The following ZBTB20 variants were observed in gnomAD, a reference collection of about 807,000 sequenced individuals.
ZBTB20 encodes zinc finger and BTB domain-containing protein 20.
A neutral mutation model predicts 56.9 loss-of-function variants in ZBTB20; 9 were observed. That is an observed-to-expected ratio of 0.16 (90% confidence interval 0.10 to 0.28). The LOEUF is 0.28. ZBTB20 is among the 10% of genes least tolerant of loss of function. The pLI is 1.00. For missense variants in ZBTB20, 655 were observed against 1,003.0 expected, an observed-to-expected ratio of 0.65 and a Z score of 4.69; for synonymous variants, 417 against 420.7, an observed-to-expected ratio of 0.99 and a Z score of 0.11.
intron 5 of ZBTB20, among the ~76,000 whole-genome samples, chr3:114,744,816 T>C (rs1295313655): frequency 2.0e-5 from 3 of 152,124 alleles, no homozygotes; most frequent in South Asian, 4.1e-4. Flanking sequence ...ATTCTTGCTG[T>C]CTTCTCACTT....
At chr3:114,440,802 T>C (rs2090866971) in intron 7 of ZBTB20, among the ~76,000 whole-genome samples, 1 of 152,186 alleles carries the variant, frequency 6.6e-6, no homozygotes, top group African/African-American at 2.4e-5. Flanking sequence ...AGGCAGAACC[T>C]GCTCATCAAC....
At chr3:115,116,130 CACTAATCTGTG>C (rs1404156981) in intron 1 of ZBTB20, among the ~76,000 whole-genome samples, 1 of 151,830 alleles carries the variant, frequency 6.6e-6, no homozygotes, top group Non-Finnish European at 1.5e-5. Flanking sequence ...ACTAATCTGT[CACTAATCTGTG>C]ACTCCACATA....
intron 1 of ZBTB20, among the ~76,000 whole-genome samples, chr3:115,118,679 G>T (rs1218029960): frequency 6.8e-6 from 1 of 148,008 alleles, no homozygotes; most frequent in African/African-American, 2.5e-5. Context: ...GTGGTTCTAG[G>T]ACCTAAAACT....
At chr3:114,362,717 A>T (rs1442346200) in intron 10 of ZBTB20, among the ~76,000 whole-genome samples, 1 of 152,142 alleles carries the variant, frequency 6.6e-6, no homozygotes. Context: ...GAGACAGCTC[A>T]CTGGGTCCCC....
intron 3 of ZBTB20, among the ~76,000 whole-genome samples, chr3:114,925,136 A>T (rs182803512): frequency 7.2e-4 from 109 of 151,766 alleles, no homozygotes; most frequent in African/African-American, 2.5e-3. Context: ...GGCACATGCC[A>T]CCACACCCAG....
At chr3:114,661,852 T>C (rs975193347) in intron 6 of ZBTB20, among the ~76,000 whole-genome samples, 1 of 152,084 alleles carries the variant, frequency 6.6e-6, no homozygotes, top group African/African-American at 2.4e-5. Flanking sequence ...ATTCAGCCCT[T>C]GCATGTGCCA....
chr3:115,073,883 TG>T (rs1403163767), intron 1 of ZBTB20, among the ~76,000 whole-genome samples: 1 of 152,090 alleles, frequency 6.6e-6, no homozygotes, highest in African/African-American at 2.4e-5. Flanking sequence ...TATGAAACTT[TG>T]CTCCCAAAAT....
At chr3:114,806,246 C>T (rs1405292260) in intron 4 of ZBTB20, among the ~76,000 whole-genome samples, 1 of 151,836 alleles carries the variant, frequency 6.6e-6, no homozygotes, top group Non-Finnish European at 1.5e-5. Flanking sequence ...CTTTATCTTC[C>T]AACACTTGTT....
chr3:114,544,441 CTTT>C (rs2049540382), intron 6 of ZBTB20, among the ~76,000 whole-genome samples: 1 of 106,218 alleles, frequency 9.4e-6, no homozygotes, highest in Non-Finnish European at 2.0e-5. Context: ...TTCTTTCTTT[CTTT>C]CTTTCTTTCT....
At chr3:114,835,963 C>T (rs1407605107) in intron 4 of ZBTB20, among the ~76,000 whole-genome samples, 1 of 152,168 alleles carries the variant, frequency 6.6e-6, no homozygotes, top group African/African-American at 2.4e-5. Flanking sequence ...ACTACTTATT[C>T]TCACTGCAGA....
In ZBTB20 at chr3:114,695,323, A is replaced by T. The variant is rs191434046; in HGVS notation, c.-342-1748T>A. On this transcript the variant is annotated intron_variant, in intron 5 of 11. Coordinates refer to ENST00000675478, the MANE Select transcript of ZBTB20 (RefSeq NM_001348800.3). ...AGCCTGGATCCCATATTAAAAAAAT[A>T]AAAAAAAACAGAAAAATGAGAAACA... is the stretch of plus-strand genomic sequence containing the variant. Among the ~76,000 whole-genome samples the T allele has an allele frequency of 8.2e-3, 1,172 of 142,362 alleles. 11 individuals are homozygous for T. The highest frequency in any genetic ancestry group is 0.032 in the African/African-American group (1,045 of 33,084). 93.4% of individuals were successfully genotyped at this position (142,362 alleles called of 152,430 possible).
intron 5 of ZBTB20, among the ~76,000 whole-genome samples, chr3:114,707,492 C>T (rs1441416194): frequency 6.6e-6 from 1 of 152,092 alleles, no homozygotes; most frequent in Non-Finnish European, 1.5e-5. Flanking sequence ...CACAAGAGTC[C>T]CAGTTTCAAA....
chr3:115,088,044 G>A (rs2108563641), intron 1 of ZBTB20, among the ~76,000 whole-genome samples: 1 of 151,982 alleles, frequency 6.6e-6, no homozygotes, highest in South Asian at 2.1e-4. Flanking sequence ...ATGGAGAACT[G>A]TTTTAAGATA....
chr3:114,545,503 CA>C (rs765322098), intron 6 of ZBTB20, among the ~76,000 whole-genome samples: 3 of 152,256 alleles, frequency 2.0e-5, no homozygotes, highest in Non-Finnish European at 4.4e-5. Context: ...TTGTGTGAGC[CA>C]CTTGATCACT....
intron 7 of ZBTB20, chr3:114,445,387 A>G (rs9816740): frequency 0.34 from 51,465 of 152,000 alleles, 9,355 homozygotes; most frequent in South Asian, 0.44. Context: ...CTCAGTCATG[A>G]CTTCTATGTC....
chr3:114,428,128 A>G (rs546208428), intron 7 of ZBTB20, among the ~76,000 whole-genome samples: 1 of 152,280 alleles, frequency 6.6e-6, no homozygotes, highest in South Asian at 2.1e-4. Flanking sequence ...CTTCTTGTAA[A>G]AAGAAGAGAA....
chr3:114,518,936 T>C (rs1307971445), intron 6 of ZBTB20: 5 of 152,138 alleles, frequency 3.3e-5, no homozygotes, highest in Admixed American at 2.6e-4. Context: ...TCCACAGAGA[T>C]TTATCTGGCC....
At chr3:114,612,880 T>G (rs2057661534) in intron 6 of ZBTB20, among the ~76,000 whole-genome samples, 1 of 152,194 alleles carries the variant, frequency 6.6e-6, no homozygotes, top group Non-Finnish European at 1.5e-5. Context: ...CTGATTTTTG[T>G]AGATAGAACT....
chr3:114,888,743 A>G (rs1366606378), intron 4 of ZBTB20, among the ~76,000 whole-genome samples: 1 of 152,146 alleles, frequency 6.6e-6, no homozygotes, highest in Non-Finnish European at 1.5e-5. Context: ...ATGATTAAAG[A>G]TTATGTTTGA....
Sources: gnomAD v4.1 joint callset for allele counts (sites outside exome capture counted in the v4.1 genomes callset) on GRCh38, gnomAD v4.1.1 for gene constraint, MANE v1.5 for transcripts, NCBI Gene and HGNC (gene_info 2026-07-23, HGNC 2026-07-21) for gene names.